The following MCEE variants were observed in gnomAD, a reference collection of about 807,000 sequenced individuals.
The protein encoded by MCEE is methylmalonyl-CoA epimerase, mitochondrial.
A neutral mutation model predicts 12.9 loss-of-function variants in MCEE; 6 were observed. The ratio of observed to expected loss-of-function variants is 0.47; its 90% CI spans 0.26 to 0.92. The LOEUF is 0.92. Among genes scored for constraint, MCEE ranks in the 40% least tolerant of loss-of-function variants. MCEE has a pLI of 0.16. For synonymous variants in MCEE, 78 were observed against 77.9 expected (o/e 1.00, Z -0.01); for missense variants, 214 against 212.1 (o/e 1.01, Z -0.05).
chr2:71,119,332 G>A lies in MCEE; in HGVS notation c.378+4874C>T, dbSNP rs946532999. On this transcript the variant is annotated intron_variant, in intron 2 of 2. Coordinates refer to ENST00000244217, the MANE Select transcript of MCEE (RefSeq NM_032601.4). ...GTACAGCATGTTACTGAAAACTGTA[G>A]GCAAGTGTAACACAATGGTGTCTAA... Among the ~76,000 whole-genome samples, 9 of 150,100 alleles carry A rather than the reference G, an allele frequency of 6.0e-5. No homozygotes were observed. In the South Asian group the frequency reaches 1.2e-3, roughly 21 times the overall value.
chr2:71,125,216 T>A (rs1264515434), intron 1 of MCEE, among the ~76,000 whole-genome samples: 3 of 117,008 alleles, frequency 2.6e-5, no homozygotes, highest in African/African-American at 8.8e-5. Flanking sequence ...TATATATTTT[T>A]TTTTTTTTTT....
chr2:71,129,999 C>T, intron 1 of MCEE, 181 bp downstream of exon 1: 1 of 688,372 alleles, frequency 1.5e-6, no homozygotes, highest in South Asian at 1.6e-5. Context: ...ATCCCCGCTA[C>T]TAAGCGGTGG....
At chr2:71,130,095 G>A in intron 1 of MCEE, 85 bp downstream of exon 1, 1 of 1,365,762 alleles carries the variant, frequency 7.3e-7, no homozygotes, top group Non-Finnish European at 1.0e-6. Flanking sequence ...AAGGTGCTTT[G>A]GCCACGCCGA....
In MCEE at chr2:71,130,170, C is replaced by T. The variant is rs1231617960; in HGVS notation, c.40+10G>A. The stretch of plus-strand genomic sequence containing the variant: ...TCCCATGGCGAAGGTCGCCGGTGCC[C>T]GGTATTCACCTACGGCATTCGCGGC... On this transcript the variant is annotated intron_variant, in intron 1 of 2. Transcript: ENST00000244217. 2.5e-6 allele frequency: 4 copies of T among 1,608,116 alleles called. No homozygotes were observed. Among genetic ancestry groups the T allele is most frequent in the Non-Finnish European group, 3.4e-6 (4 of 1,178,096 alleles).
chr2:71,111,491 C>T (rs1167155171), intron 2 of MCEE, among the ~76,000 whole-genome samples: 2 of 152,156 alleles, frequency 1.3e-5, no homozygotes, highest in African/African-American at 4.8e-5. Context: ...TCTGAGTACT[C>T]TTCCCAATGT....
chr2:71,110,262 T>TA (rs1323525721), intron 2 of MCEE, 140 bp from the exon 3 acceptor site: 4 of 742,586 alleles, frequency 5.4e-6, no homozygotes, highest in Non-Finnish European at 8.8e-6. Context: ...TAAATCATCA[T>TA]AAAAAATAAG....
intron 2 of MCEE, among the ~76,000 whole-genome samples, chr2:71,121,696 G>T (rs59572620): frequency 1.3e-4 from 19 of 150,844 alleles, no homozygotes; most frequent in Middle Eastern, 3.2e-3. Context: ...TGTGGGAGAG[G>T]GGGGAGTGGA....
At chr2:71,112,433 C>CCT (rs1553439068) in intron 2 of MCEE, among the ~76,000 whole-genome samples, 47 of 81,198 alleles carry the variant, frequency 5.8e-4, no homozygotes, top group African/African-American at 2.4e-3. Context: ...CTGCACCTGC[C>CCT]TTTTTTTTTT....
At chr2:71,128,926 G>A (rs984261121) in intron 1 of MCEE, among the ~76,000 whole-genome samples, 1 of 150,488 alleles carries the variant, frequency 6.6e-6, no homozygotes, top group Non-Finnish European at 1.5e-5. Context: ...GGAGGCAGAG[G>A]TTGCAGTGAG....
rs369773741 is a variant in MCEE at position 71,124,398 on chromosome 2, T to C, written c.186A>G (p.Ala62=). ...AIAVPDLEKA[A]AFYKNILGAQ... ...CCCCCAGAATATTCTTATAAAATGCTGCAGCCTTTTCCAAATCTGGCACTG... is the reference window on the plus strand; with the variant it reads ...CCCCCAGAATATTCTTATAAAATGCCGCAGCCTTTTCCAAATCTGGCACTG... Residue 62 remains alanine, a synonymous_variant, in exon 2 of 3, where the codon GCA becomes GCG. Transcript: ENST00000244217. The C allele has an allele frequency of 3.1e-6, 5 of 1,614,084 alleles. No individual in the cohort carries two copies. In the African/African-American group the frequency reaches 6.7e-5, roughly 22 times the overall value.
intron 1 of MCEE, among the ~76,000 whole-genome samples, chr2:71,124,931 AT>A (rs543328695): frequency 2.5e-4 from 38 of 151,982 alleles, no homozygotes; most frequent in African/African-American, 9.2e-4. Context: ...CCTGTACCCA[AT>A]TTTTTGTCTT....
intron 2 of MCEE, among the ~76,000 whole-genome samples, chr2:71,119,029 C>T (rs1386618302): frequency 6.7e-6 from 1 of 150,116 alleles, no homozygotes; most frequent in African/African-American, 2.5e-5. Flanking sequence ...TCTGGTTCTC[C>T]CCATCAACAA....
At chr2:71,110,665 C>T (rs1229270368) in intron 2 of MCEE, 1 of 153,536 alleles carries the variant, frequency 6.5e-6, no homozygotes, top group African/African-American at 2.4e-5. Flanking sequence ...ATGAAAATCA[C>T]TATTAAATTG....
intron 2 of MCEE, among the ~76,000 whole-genome samples, chr2:71,111,845 T>C (rs1293400617): frequency 6.6e-6 from 1 of 152,158 alleles, no homozygotes; most frequent in East Asian, 1.9e-4. Context: ...GTAGGGCTCA[T>C]CTTGTTTGTT....
chr2:71,116,211 G>A (rs1276024300), intron 2 of MCEE, among the ~76,000 whole-genome samples: 2 of 149,564 alleles, frequency 1.3e-5, no homozygotes, highest in East Asian at 3.9e-4. Flanking sequence ...CTCCCAAGTA[G>A]TAGGTGCCCG....
At chr2:71,115,212 G>A (rs997854654) in intron 2 of MCEE, among the ~76,000 whole-genome samples, 1 of 152,168 alleles carries the variant, frequency 6.6e-6, no homozygotes, top group Non-Finnish European at 1.5e-5. Flanking sequence ...GAAACATAGT[G>A]AAGCCCCATC....
At position 71,118,637 on chromosome 2, in the gene MCEE, G is replaced by A. The variant is rs1294777824; in HGVS notation, c.378+5569C>T. On this transcript the variant is annotated intron_variant, in intron 2 of 2. Coordinates refer to ENST00000244217, the MANE Select transcript of MCEE (RefSeq NM_032601.4). ...AGCGGAAGGGGCAACGGGTGTCTCT[G>A]AGGCCTCTTTTATAAGGACACTAAT... 6.0e-5 allele frequency among the ~76,000 whole-genome samples: 9 copies of A among 149,824 alleles called. 1 individual carries two copies. The highest frequency in any genetic ancestry group is 1.0e-4 in the Non-Finnish European group (7 of 67,980).
At chr2:71,113,212 G>A (rs781364729) in intron 2 of MCEE, among the ~76,000 whole-genome samples, 15 of 152,206 alleles carry the variant, frequency 9.9e-5, no homozygotes, top group South Asian at 2.1e-4. Flanking sequence ...AGCTGGAGAC[G>A]TCAGTATGCT....
intron 2 of MCEE, among the ~76,000 whole-genome samples, chr2:71,117,115 T>C (rs1673010534): frequency 6.6e-6 from 1 of 150,690 alleles, no homozygotes; most frequent in South Asian, 2.1e-4. Context: ...AATCCTCAAA[T>C]TGGTATAAAT....
Sources: gnomAD v4.1 joint callset for allele counts (sites outside exome capture counted in the v4.1 genomes callset) on GRCh38, gnomAD v4.1.1 for gene constraint, MANE v1.5 for transcripts, NCBI Gene and HGNC (gene_info 2026-07-23, HGNC 2026-07-21) for gene names.